PDZRN4: variants seen among roughly 807,000 people sequenced by gnomAD.
PDZRN4 encodes PDZ domain-containing RING finger protein 4.
PDZRN4 carries 70 observed loss-of-function variants against 99.0 expected under a neutral mutation model. The ratio of observed to expected loss-of-function variants is 0.71; its 90% CI spans 0.58 to 0.86. The LOEUF is 0.86. Among genes scored for constraint, PDZRN4 ranks in the 40% least tolerant of loss-of-function variants. The pLI is 0.00. For missense variants in PDZRN4, 1,474 were observed against 1,331.2 expected (o/e 1.11, Z -1.67); for synonymous variants, 551 against 501.6 (o/e 1.10, Z -1.32).
chr12:41,337,581 T>A (rs766577941), intron 3 of PDZRN4, among the ~76,000 whole-genome samples: 3 of 152,140 alleles, frequency 2.0e-5, no homozygotes, highest in Non-Finnish European at 4.4e-5. Context: ...GGAGCTTGGT[T>A]CTTCAGAGAA....
chr12:41,474,195 C>T, intron 3 of PDZRN4, among the ~76,000 whole-genome samples: 1 of 152,170 alleles, frequency 6.6e-6, no homozygotes, highest in East Asian at 1.9e-4. Context: ...ATAATAGCCA[C>T]CACATACTGA....
intron 5 of PDZRN4, among the ~76,000 whole-genome samples, chr12:41,531,329 G>A (rs1258061229): frequency 1.3e-5 from 2 of 152,122 alleles, no homozygotes; most frequent in Non-Finnish European, 1.5e-5. Flanking sequence ...ACGTCATTCC[G>A]CCAGTGGATG....
At chr12:41,328,760 G>A (rs995789960) in intron 3 of PDZRN4, among the ~76,000 whole-genome samples, 2 of 152,072 alleles carry the variant, frequency 1.3e-5, no homozygotes, top group Non-Finnish European at 2.9e-5. Context: ...ACATGTATCT[G>A]TGACTCAAAA....
intron 3 of PDZRN4, among the ~76,000 whole-genome samples, chr12:41,503,341 T>A (rs973181529): frequency 6.6e-6 from 1 of 152,116 alleles, no homozygotes; most frequent in Non-Finnish European, 1.5e-5. Context: ...TAAGATTGTA[T>A]TTGATTGTTC....
intron 6 of PDZRN4, among the ~76,000 whole-genome samples, chr12:41,555,241 A>AAAAAAAAAGAAAAG (rs1592110402): frequency 1.6e-4 from 19 of 119,962 alleles, no homozygotes; most frequent in Admixed American, 2.9e-4. Flanking sequence ...AAAAAAAAAA[A>AAAAAAAAAGAAAAG]AAAAAAAAGA....
chr12:41,349,909 G>A (rs1951879012), intron 3 of PDZRN4, among the ~76,000 whole-genome samples: 1 of 151,636 alleles, frequency 6.6e-6, no homozygotes, highest in African/African-American at 2.4e-5. Context: ...AATTATATGA[G>A]GAATTATAAT....
intron 3 of PDZRN4, among the ~76,000 whole-genome samples, chr12:41,257,629 A>C (rs984700899): frequency 6.6e-6 from 1 of 152,226 alleles, no homozygotes; most frequent in South Asian, 2.1e-4. Context: ...GACACATAGA[A>C]GAAATGGCTA....
At chr12:41,506,759 C>T in intron 4 of PDZRN4, 47 bp downstream of exon 4, 2 of 1,554,088 alleles carry the variant, frequency 1.3e-6, no homozygotes, top group Non-Finnish European at 1.7e-6. Flanking sequence ...TTCCATTTGT[C>T]ACGTAAAGCA....
At chr12:41,398,051 A>G (rs1952262771) in intron 3 of PDZRN4, among the ~76,000 whole-genome samples, 1 of 152,144 alleles carries the variant, frequency 6.6e-6, no homozygotes, top group African/African-American at 2.4e-5. Flanking sequence ...GATGATGTGA[A>G]GAATTCAGGT....
chr12:41,419,899 A>G (rs1435877676), intron 3 of PDZRN4, among the ~76,000 whole-genome samples: 1 of 152,194 alleles, frequency 6.6e-6, no homozygotes, highest in East Asian at 1.9e-4. Flanking sequence ...ATTGTTTTGC[A>G]TATGCTTGAT....
At chr12:41,351,434 T>C (rs962027341) in intron 3 of PDZRN4, among the ~76,000 whole-genome samples, 1 of 151,934 alleles carries the variant, frequency 6.6e-6, no homozygotes, top group African/African-American at 2.4e-5. Flanking sequence ...ACACTTGAGA[T>C]TGGGTAATTT....
At chr12:41,556,010 C>T (rs1334510630) in intron 7 of PDZRN4, among the ~76,000 whole-genome samples, 3 of 152,138 alleles carry the variant, frequency 2.0e-5, no homozygotes, top group Admixed American at 6.6e-5. Flanking sequence ...CTTCCAGCTT[C>T]ACCATTTGCT....
At chr12:41,298,741 G>A (rs1310250915) in intron 3 of PDZRN4, among the ~76,000 whole-genome samples, 1 of 152,120 alleles carries the variant, frequency 6.6e-6, no homozygotes, top group Non-Finnish European at 1.5e-5. Context: ...AAATAGAACA[G>A]TACAGTATCT....
At chr12:41,367,038 AG>A (rs1262509899) in intron 3 of PDZRN4, among the ~76,000 whole-genome samples, 1 of 152,032 alleles carries the variant, frequency 6.6e-6, no homozygotes, top group African/African-American at 2.4e-5. Context: ...TCCCTAGACT[AG>A]GGGGCATGCA....
intron 3 of PDZRN4, among the ~76,000 whole-genome samples, chr12:41,296,478 T>A (rs1241138209): frequency 6.6e-6 from 1 of 152,138 alleles, no homozygotes; most frequent in Non-Finnish European, 1.5e-5. Context: ...TAGATGAAAG[T>A]TTAACAGAAA....
intron 3 of PDZRN4, among the ~76,000 whole-genome samples, chr12:41,288,108 A>G (rs932361737): frequency 3.9e-5 from 6 of 152,172 alleles, no homozygotes; most frequent in African/African-American, 1.4e-4. Flanking sequence ...ATTTTTTCAT[A>G]ATTTATCAGC....
chr12:41,371,009 T>G (rs1445614531), intron 3 of PDZRN4, among the ~76,000 whole-genome samples: 1 of 151,486 alleles, frequency 6.6e-6, no homozygotes, highest in Non-Finnish European at 1.5e-5. Context: ...TTATTTTAGA[T>G]GATTTTCAGT....
chr12:41,565,846 G>A (rs1405742409), intron 8 of PDZRN4, among the ~76,000 whole-genome samples: 1 of 152,120 alleles, frequency 6.6e-6, no homozygotes, highest in East Asian at 1.9e-4. Flanking sequence ...AGACAGTGTA[G>A]GTTGTTCCTT....
chr12:41,212,268 A>G (rs1950893309), intron 3 of PDZRN4, among the ~76,000 whole-genome samples: 1 of 151,934 alleles, frequency 6.6e-6, no homozygotes, highest in Non-Finnish European at 1.5e-5. Flanking sequence ...TCAATGCAAT[A>G]TTTTACTTTC....
Sources: gnomAD v4.1 joint callset for allele counts (sites outside exome capture counted in the v4.1 genomes callset) on GRCh38, gnomAD v4.1.1 for gene constraint, MANE v1.5 for transcripts, NCBI Gene and HGNC (gene_info 2026-07-23, HGNC 2026-07-21) for gene names.